The following STARD13 variants were observed in gnomAD, a reference collection of about 807,000 sequenced individuals.
STARD13 encodes the protein StAR related lipid transfer domain containing 13.
STARD13 carries 62 observed loss-of-function variants against 106.4 expected under a neutral mutation model. The ratio of observed to expected loss-of-function variants is 0.58; its 90% CI spans 0.48 to 0.72. STARD13 has a LOEUF of 0.72. Among genes scored for constraint, STARD13 ranks in the 30% least tolerant of loss-of-function variants. The probability of loss-of-function intolerance (pLI) is 0.00; values close to 1 mark genes in which losing one functional copy is unlikely to be tolerated. For missense variants in STARD13, 1,387 were observed against 1,424.0 expected (o/e 0.97, Z 0.42); for synonymous variants, 565 against 553.0 (o/e 1.02, Z -0.31).
chr13:33,529,911 G>A, the STARD13 span, among the ~76,000 whole-genome samples: 5 of 152,198 alleles, frequency 3.3e-5, no homozygotes, highest in East Asian at 1.9e-4. Context: ...GGGGAACCCC[G>A]GATAAGAAAC....
the STARD13 span, among the ~76,000 whole-genome samples, chr13:33,666,112 T>C: frequency 6.6e-6 from 1 of 152,246 alleles, no homozygotes; most frequent in African/African-American, 2.4e-5. Flanking sequence ...TCTCTGGGAA[T>C]GCTATGGCAT....
intron 1 of STARD13, among the ~76,000 whole-genome samples, chr13:33,221,269 C>T (rs967307187): frequency 6.6e-6 from 1 of 152,100 alleles, no homozygotes; most frequent in Non-Finnish European, 1.5e-5. Context: ...CCCTGGAAAC[C>T]ACTGTTGGAT....
chr13:33,429,088 G>C, the STARD13 span, among the ~76,000 whole-genome samples: 1 of 152,106 alleles, frequency 6.6e-6, no homozygotes, highest in Non-Finnish European at 1.5e-5. Context: ...ATGTAAACTA[G>C]TACAACCACT....
chr13:33,538,108 C>T, the STARD13 span, among the ~76,000 whole-genome samples: 4 of 151,866 alleles, frequency 2.6e-5, no homozygotes, highest in East Asian at 7.7e-4. Flanking sequence ...TAAAGACTCT[C>T]AGATTACGAG....
the STARD13 span, among the ~76,000 whole-genome samples, chr13:33,391,163 C>T: frequency 2.6e-5 from 4 of 152,096 alleles, no homozygotes; most frequent in Admixed American, 2.6e-4. Context: ...AAACAAGTGA[C>T]TGCATCTTAA....
chr13:33,360,601 C>A, the STARD13 span, among the ~76,000 whole-genome samples: 1 of 62,828 alleles, frequency 1.6e-5, no homozygotes. Flanking sequence ...GTATCTGGGG[C>A]AATGGAAATT....
the STARD13 span, among the ~76,000 whole-genome samples, chr13:33,370,217 A>G: frequency 1.3e-5 from 2 of 152,232 alleles, no homozygotes; most frequent in Non-Finnish European, 2.9e-5. Context: ...GGAGCTTTTT[A>G]AACTGAATCT....
intron 1 of STARD13, among the ~76,000 whole-genome samples, chr13:33,253,831 G>A (rs542112590): frequency 2.6e-5 from 4 of 152,280 alleles, no homozygotes; most frequent in Admixed American, 1.3e-4. Flanking sequence ...TAGACTGAAC[G>A]GGATAAAAAT....
At chr13:33,330,452 T>C (rs149518690) in intron 1 of STARD13, among the ~76,000 whole-genome samples, 1,587 of 152,312 alleles carry the variant, frequency 0.01, 38 homozygotes, top group African/African-American at 0.036. Context: ...TTTGTATTTT[T>C]GGTATTGATT....
At chr13:33,166,231 G>GA (rs1348509112) in intron 2 of STARD13, among the ~76,000 whole-genome samples, 2 of 151,944 alleles carry the variant, frequency 1.3e-5, no homozygotes, top group African/African-American at 2.4e-5. Flanking sequence ...CCCTTCTGGT[G>GA]AAAAAAAATC....
At chr13:33,177,187 T>A (rs1328088890) in intron 1 of STARD13, among the ~76,000 whole-genome samples, 1 of 152,238 alleles carries the variant, frequency 6.6e-6, no homozygotes, top group Non-Finnish European at 1.5e-5. Context: ...TCTTGGCTAA[T>A]CTGCCTGCCA....
chr13:33,123,045 G>A, intron 7 of STARD13, among the ~76,000 whole-genome samples: 1 of 91,064 alleles, frequency 1.1e-5, no homozygotes, highest in African/African-American at 4.3e-5. Flanking sequence ...GACAGAGCAA[G>A]ACTCCATCTC....
At chr13:33,165,225 A>G in intron 3 of STARD13, 112 bp downstream of exon 3, 3 of 807,434 alleles carry the variant, frequency 3.7e-6, no homozygotes, top group East Asian at 2.4e-5. Flanking sequence ...GGTCAGGCAC[A>G]TGGTAGGCAC....
chr13:33,611,098 C>G, the STARD13 span: 1 of 152,240 alleles, frequency 6.6e-6, no homozygotes, highest in Non-Finnish European at 1.5e-5. Context: ...GACACCGCTT[C>G]CAAATATAAT....
At chr13:33,593,495 T>C in the STARD13 span, among the ~76,000 whole-genome samples, 1 of 152,182 alleles carries the variant, frequency 6.6e-6, no homozygotes, top group Non-Finnish European at 1.5e-5. Context: ...ATGTTTACTT[T>C]TAAACTGTCA....
chr13:33,520,911 G>T, the STARD13 span, among the ~76,000 whole-genome samples: 1 of 152,040 alleles, frequency 6.6e-6, no homozygotes, highest in Non-Finnish European at 1.5e-5. Flanking sequence ...CCCCACACTA[G>T]GTCTCAACTC....
chr13:33,344,370 CAA>C (rs1281840453), downstream of STARD13, among the ~76,000 whole-genome samples: 1 of 151,960 alleles, frequency 6.6e-6, no homozygotes, highest in East Asian at 1.9e-4. Flanking sequence ...AAAAAACAAA[CAA>C]AAAATGCTGA....
intron 1 of STARD13, among the ~76,000 whole-genome samples, chr13:33,234,233 T>G (rs1008343846): frequency 9.2e-5 from 14 of 152,212 alleles, no homozygotes; most frequent in Admixed American, 5.9e-4. Flanking sequence ...AACTACTGAC[T>G]GGTACCCGCT....
the STARD13 span, among the ~76,000 whole-genome samples, chr13:33,450,058 A>G: frequency 6.6e-6 from 1 of 152,156 alleles, no homozygotes; most frequent in Non-Finnish European, 1.5e-5. Flanking sequence ...TACTCTTCCC[A>G]TTTAGATTCC....
Sources: allele counts gnomAD v4.1 joint callset (sites outside exome capture counted in the v4.1 genomes callset), GRCh38; gene constraint gnomAD v4.1.1; transcripts MANE v1.5; gene names NCBI Gene and HGNC (gene_info 2026-07-23, HGNC 2026-07-21).